Variants in PACRG observed in about 807,000 individuals in gnomAD.
PACRG encodes parkin coregulated gene protein.
A neutral mutation model predicts 29.7 loss-of-function variants in PACRG; 29 were observed. That is an observed-to-expected ratio of 0.98 (90% CI 0.73 to 1.33). The LOEUF is 1.33. Among genes scored for constraint, PACRG ranks in the 40% most tolerant of loss-of-function variants. The pLI, the probability that PACRG is intolerant of heterozygous loss-of-function variation, is 0.00. For missense variants in PACRG, 279 were observed against 316.2 expected (o/e 0.88, Z 0.89); for synonymous variants, 116 against 118.7 (o/e 0.98, Z 0.15).
intron 2 of PACRG, among the ~76,000 whole-genome samples, chr6:162,893,225 G>A (rs191732598): frequency 1.8e-4 from 28 of 152,034 alleles, no homozygotes; most frequent in Non-Finnish European, 3.7e-4. Context: ...CTCTCACATC[G>A]TCACCAGGCA....
intron 1 of PACRG, among the ~76,000 whole-genome samples, chr6:162,781,055 A>G (rs918336513): frequency 6.6e-6 from 1 of 152,002 alleles, no homozygotes; most frequent in African/African-American, 2.4e-5. Flanking sequence ...AAACGCAAAC[A>G]CAAGAAAGAT....
At chr6:163,191,995 T>C (rs1933279253) in intron 4 of PACRG, 1 of 289,556 alleles carries the variant, frequency 3.5e-6, no homozygotes, top group African/African-American at 2.2e-5. Flanking sequence ...TGTTGTTGAA[T>C]TGATTTCAGT....
At chr6:162,816,719 C>T (rs1040029416) in intron 2 of PACRG, among the ~76,000 whole-genome samples, 4 of 152,070 alleles carry the variant, frequency 2.6e-5, no homozygotes, top group African/African-American at 9.7e-5. Context: ...TATTTCGTGG[C>T]ACATTTGATG....
intron 4 of PACRG, among the ~76,000 whole-genome samples, chr6:163,156,387 C>T (rs955204072): frequency 1.3e-5 from 2 of 152,158 alleles, no homozygotes; most frequent in African/African-American, 2.4e-5. Flanking sequence ...AGCCTGGGGG[C>T]CGTTTTAGAC....
intron 1 of PACRG, among the ~76,000 whole-genome samples, chr6:162,758,892 T>C (rs1038913398): frequency 1.3e-5 from 2 of 152,202 alleles, no homozygotes; most frequent in East Asian, 3.8e-4. Context: ...GTCTTGAACA[T>C]GAATAATATT....
intron 2 of PACRG, among the ~76,000 whole-genome samples, chr6:162,903,274 G>A (rs75107965): frequency 0.037 from 5,618 of 152,044 alleles, 347 homozygotes; most frequent in East Asian, 0.31. Context: ...AAAGGAGGAT[G>A]GGAGATATTT....
chr6:163,252,573 G>A lies in PACRG; in HGVS notation c.614-62254G>A, dbSNP rs1312819607. ...CAGTGCTGCAGGCGGGGCTCACCGT[G>A]CAGAGTCCGTGACTGTCATCTTTCC... is the stretch of plus-strand genomic sequence containing the variant. On this transcript the variant is annotated intron_variant, in intron 4 of 4. Coordinates refer to ENST00000366888, the MANE Select transcript of PACRG (RefSeq NM_001080379.2). 5.3e-5 allele frequency among the ~76,000 whole-genome samples: 8 copies of A among 152,312 alleles called. No individual in the cohort carries two copies. In the East Asian group the frequency reaches 1.4e-3, roughly 26 times the overall value.
In PACRG at chr6:162,781,139, A is replaced by G. The variant is rs149305396; in HGVS notation, c.157-33008A>G. Among the ~76,000 whole-genome samples, 29 of 152,118 alleles carry G rather than the reference A, an allele frequency of 1.9e-4. No homozygotes were observed. In the East Asian group the frequency reaches 5.6e-3, roughly 29 times the overall value. On this transcript the variant is annotated intron_variant, in intron 1 of 4. Coordinates refer to ENST00000366888, the MANE Select transcript of PACRG (RefSeq NM_001080379.2). ...TAATAAGGAGAACATCTTAACAGAC[A>G]TAGAAAAAATGACACAATGTAAATA... is the stretch of plus-strand genomic sequence containing the variant.
At chr6:162,761,161 C>T (rs1782327061) in intron 1 of PACRG, among the ~76,000 whole-genome samples, 1 of 152,094 alleles carries the variant, frequency 6.6e-6, no homozygotes, top group Admixed American at 6.6e-5. Context: ...ACCACATGTG[C>T]CCCTAGAAAC....
At chr6:162,977,829 T>C (rs1317241204) in intron 2 of PACRG, among the ~76,000 whole-genome samples, 1 of 152,138 alleles carries the variant, frequency 6.6e-6, no homozygotes, top group Admixed American at 6.6e-5. Flanking sequence ...CTTATAAAAA[T>C]AAAAGCACTG....
chr6:163,224,456 A>T (rs1041736250), intron 4 of PACRG, among the ~76,000 whole-genome samples: 2 of 152,004 alleles, frequency 1.3e-5, no homozygotes, highest in African/African-American at 4.8e-5. Flanking sequence ...TATAATAATC[A>T]AAACAGCATG....
At chr6:162,744,300 T>G (rs1371586457) in intron 1 of PACRG, among the ~76,000 whole-genome samples, 2 of 152,184 alleles carry the variant, frequency 1.3e-5, no homozygotes, top group Non-Finnish European at 2.9e-5. Flanking sequence ...GACATCTATA[T>G]AAAGATATTA....
chr6:162,942,726 A>G (rs1427465705), intron 2 of PACRG, among the ~76,000 whole-genome samples: 1 of 152,024 alleles, frequency 6.6e-6, no homozygotes, highest in African/African-American at 2.4e-5. Context: ...GGTTTCAGTC[A>G]TTTGGTTTTG....
chr6:163,067,139 T>A (rs761682269), intron 3 of PACRG, among the ~76,000 whole-genome samples: 3 of 152,116 alleles, frequency 2.0e-5, no homozygotes, highest in East Asian at 1.9e-4. Context: ...GCCTTCCTGC[T>A]GTAGCACCGC....
At chr6:162,936,296 C>A (rs1012433178) in intron 2 of PACRG, among the ~76,000 whole-genome samples, 1 of 152,104 alleles carries the variant, frequency 6.6e-6, no homozygotes, top group Non-Finnish European at 1.5e-5. Flanking sequence ...GGGGACACAG[C>A]GAAACTCTAT....
At chr6:162,937,466 A>G (rs944161241) in intron 2 of PACRG, among the ~76,000 whole-genome samples, 8 of 152,136 alleles carry the variant, frequency 5.3e-5, no homozygotes, top group African/African-American at 1.9e-4. Flanking sequence ...CATGGAGGCC[A>G]AGAGACACCT....
chr6:162,795,906 A>G (rs754770190), intron 1 of PACRG, among the ~76,000 whole-genome samples: 10 of 152,150 alleles, frequency 6.6e-5, no homozygotes, highest in Admixed American at 2.0e-4. Context: ...TATGAAAACT[A>G]TAGATTTTTG....
chr6:163,108,525 T>TC (rs1815524668), intron 4 of PACRG, among the ~76,000 whole-genome samples: 1 of 151,090 alleles, frequency 6.6e-6, no homozygotes, highest in Non-Finnish European at 1.5e-5. Flanking sequence ...CCTGAGTAGC[T>TC]GGGACCACAG....
At chr6:163,161,831 TG>T (rs1778569002) in intron 4 of PACRG, among the ~76,000 whole-genome samples, 1 of 152,136 alleles carries the variant, frequency 6.6e-6, no homozygotes, top group South Asian at 2.1e-4. Flanking sequence ...AAAAGCTGAG[TG>T]GACCTCTCAA....
Sources: allele counts gnomAD v4.1 joint callset (sites outside exome capture counted in the v4.1 genomes callset), GRCh38; gene constraint gnomAD v4.1.1; transcripts MANE v1.5; gene names NCBI Gene and HGNC (gene_info 2026-07-23, HGNC 2026-07-21).